Variants in IL1RL2 observed in about 807,000 individuals in gnomAD.
IL1RL2 encodes the protein interleukin 1 receptor like 2, also known as interleukin-1 receptor-like 2.
A neutral mutation model predicts 66.8 loss-of-function variants in IL1RL2; 68 were observed. The ratio of observed to expected loss-of-function variants is 1.02; its 90% CI spans 0.84 to 1.25. The LOEUF (loss-of-function observed/expected upper bound fraction) is 1.25. Ranked by LOEUF, IL1RL2 falls within the 50% of genes most tolerant of loss-of-function variation. IL1RL2 has a pLI of 0.00. For missense variants in IL1RL2, 729 were observed against 709.3 expected, an observed-to-expected ratio of 1.03 and a Z score of -0.32; for synonymous variants, 305 against 264.6, an observed-to-expected ratio of 1.15 and a Z score of -1.48.
At chr2:102,189,482 A>T (rs1479756362) in intron 3 of IL1RL2, among the ~76,000 whole-genome samples, 172 bp downstream of exon 3, 1 of 152,214 alleles carries the variant, frequency 6.6e-6, no homozygotes, top group Non-Finnish European at 1.5e-5. Context: ...CAGATTTGTA[A>T]ATCATTTTTG....
At chr2:102,208,233 G>A (rs1336646586) in intron 5 of IL1RL2, among the ~76,000 whole-genome samples, 1 of 152,232 alleles carries the variant, frequency 6.6e-6, no homozygotes, top group Non-Finnish European at 1.5e-5. Context: ...TGTTTCTTCT[G>A]TGTAGATGGT....
chr2:102,242,180 A>T (rs998461013), downstream of IL1RL2, among the ~76,000 whole-genome samples: 1 of 152,256 alleles, frequency 6.6e-6, no homozygotes, highest in Non-Finnish European at 1.5e-5. Flanking sequence ...CTTTCAAAAT[A>T]TAAACAGCTT....
At position 102,192,017 on chromosome 2, in the gene IL1RL2, C is replaced by T. The variant is rs200030449; in HGVS notation, c.386C>T (p.Ser129Leu). Residue 129 changes from serine to leucine, a missense_variant, in exon 4 of 12, where the codon TCA (serine) becomes TTA (leucine). By Grantham distance (145) the Ser-to-Leu change is moderately radical (BLOSUM62 -2). Coordinates refer to ENST00000264257, the MANE Select transcript of IL1RL2 (RefSeq NM_003854.4). ...TCCATAGGTGGTTTACCAAATTTAT[C>T]AGATGAGTACAAGCAAATATTACAT... ...DTSIGGLPNL[S>L]DEYKQILHLG... The T allele has an allele frequency of 7.4e-6, 12 of 1,612,222 alleles. 1 individual carries two copies. In the South Asian group the frequency reaches 1.2e-4, roughly 16 times the overall value.
At chr2:102,236,074 G>A (rs1017353787) in intron 11 of IL1RL2, 3 of 441,694 alleles carry the variant, frequency 6.8e-6, no homozygotes, top group African/African-American at 4.3e-5. Flanking sequence ...GGCAAAGTCA[G>A]TTTCCAATGA....
intron 9 of IL1RL2, among the ~76,000 whole-genome samples, chr2:102,229,875 C>T (rs1012941805): frequency 5.9e-5 from 9 of 152,196 alleles, no homozygotes; most frequent in African/African-American, 2.2e-4. Flanking sequence ...CAACAAGTAC[C>T]TATATCCTCA....
intron 4 of IL1RL2, among the ~76,000 whole-genome samples, chr2:102,196,906 G>A (rs1687834310): frequency 6.6e-6 from 1 of 152,176 alleles, no homozygotes. Flanking sequence ...AATGGCATGA[G>A]CAAATTCACA....
Position 102,218,963 on chromosome 2 carries a change from G to T in IL1RL2, c.735G>T (p.Leu245=). 1.2e-6 allele frequency: 2 copies of T among 1,612,760 alleles called. No individual in the cohort carries two copies. Among genetic ancestry groups the T allele is most frequent in the Non-Finnish European group, 1.7e-6 (2 of 1,179,094 alleles). ...HSIEVQLGTT[L]IVDCNVTDTK... ...ATTGGTTTTTTTTAGGTACCACTCT[G>T]ATTGTGGACTGCAATGTAACAGACA... The change falls in exon 7 of 12, where the codon CTG becomes CTT. Residue 245 remains leucine (L), a synonymous_variant. Transcript: ENST00000264257.
intron 4 of IL1RL2, among the ~76,000 whole-genome samples, chr2:102,193,528 T>C (rs1448463332): frequency 6.6e-6 from 1 of 152,160 alleles, no homozygotes; most frequent in African/African-American, 2.4e-5. Context: ...ATTTTTTAAA[T>C]TTTTTGTGTG....
At chr2:102,217,262 TG>T (rs1222101472) in intron 6 of IL1RL2, among the ~76,000 whole-genome samples, 1 of 152,174 alleles carries the variant, frequency 6.6e-6, no homozygotes, top group African/African-American at 2.4e-5. Context: ...TTTTTATTTT[TG>T]TTCAGCACTG....
At chr2:102,198,593 C>T (rs1372468166) in intron 4 of IL1RL2, among the ~76,000 whole-genome samples, 1 of 152,218 alleles carries the variant, frequency 6.6e-6, no homozygotes, top group African/African-American at 2.4e-5. Flanking sequence ...GCACTCCCAT[C>T]AGCTAGGAAC....
At chr2:102,227,897 T>A (rs1342282061) in intron 9 of IL1RL2, among the ~76,000 whole-genome samples, 1 of 152,010 alleles carries the variant, frequency 6.6e-6, no homozygotes, top group Non-Finnish European at 1.5e-5. Context: ...CTTATGGGTG[T>A]TGTGCAGTGT....
intron 3 of IL1RL2, among the ~76,000 whole-genome samples, chr2:102,191,368 T>A (rs1295824402): frequency 6.6e-6 from 1 of 152,222 alleles, no homozygotes; most frequent in African/African-American, 2.4e-5. Flanking sequence ...TAATCTATAT[T>A]CTAATCTTAT....
chr2:102,201,781 T>C (rs1688283145), intron 5 of IL1RL2, 66 bp downstream of exon 5: 2 of 1,502,714 alleles, frequency 1.3e-6, no homozygotes, highest in African/African-American at 2.8e-5. Flanking sequence ...GGCTTCTGGC[T>C]TTGGGTTTTG....
chr2:102,235,335 G>A (rs751907553), intron 11 of IL1RL2, 58 bp downstream of exon 11: 93 of 1,566,744 alleles, frequency 5.9e-5, no homozygotes, highest in Non-Finnish European at 7.0e-5. Flanking sequence ...CTATCATTGC[G>A]TGGTGGCTCA....
At chr2:102,235,928 T>G in intron 11 of IL1RL2, 1 of 985,432 alleles carries the variant, frequency 1.0e-6, no homozygotes, top group Non-Finnish European at 1.2e-6. Context: ...CTTCCATGTT[T>G]GAGAGGCTTT....
intron 11 of IL1RL2, 33 bp downstream of exon 11, chr2:102,235,310 G>A (rs757414081): frequency 1.3e-5 from 21 of 1,596,776 alleles, no homozygotes; most frequent in East Asian, 4.5e-5. Context: ...GGTTTGTCAC[G>A]CACTGATGGA....
chr2:102,198,157 G>A (rs777808299), intron 4 of IL1RL2, among the ~76,000 whole-genome samples: 10 of 152,078 alleles, frequency 6.6e-5, no homozygotes, highest in African/African-American at 9.7e-5. Context: ...TAATAGGTAC[G>A]TAATAAATAA....
At chr2:102,227,042 C>T (rs1690680978) in intron 9 of IL1RL2, among the ~76,000 whole-genome samples, 1 of 152,236 alleles carries the variant, frequency 6.6e-6, no homozygotes, top group South Asian at 2.1e-4. Flanking sequence ...CTCTGAGAGC[C>T]TGGCATTTCC....
intron 9 of IL1RL2, among the ~76,000 whole-genome samples, chr2:102,229,139 G>A (rs1211292871): frequency 6.6e-6 from 1 of 152,128 alleles, no homozygotes; most frequent in Non-Finnish European, 1.5e-5. Context: ...AGAGAAAGTA[G>A]GGAATTGAAT....
Sources: gnomAD v4.1 joint callset for allele counts (sites outside exome capture counted in the v4.1 genomes callset) on GRCh38, gnomAD v4.1.1 for gene constraint, MANE v1.5 for transcripts, NCBI Gene and HGNC (gene_info 2026-07-23, HGNC 2026-07-21) for gene names.